RAB37: variants seen among roughly 807,000 people sequenced by gnomAD.
The protein encoded by RAB37 is RAB37, member RAS oncogene family, also known as ras-related protein Rab-37.
Under a neutral mutation model 33.1 loss-of-function variants are expected in RAB37, and 29 were observed. The observed-to-expected ratio is 0.88, with a 90% confidence interval of 0.65 to 1.20. The LOEUF is 1.20. Ranked by LOEUF, RAB37 falls within the 50% of genes most tolerant of loss-of-function variation. The pLI is 0.00. For synonymous variants in RAB37, 128 were observed against 119.5 expected (o/e 1.07, Z -0.47); for missense variants, 299 against 301.1 (o/e 0.99, Z 0.05).
Position 74,676,784 on chromosome 17 carries a change from G to T in RAB37, c.72+5126G>T, listed in dbSNP as rs1005914928. Among the ~76,000 whole-genome samples the T allele has an allele frequency of 6.6e-6, 1 of 152,166 alleles. No individual in the cohort carries two copies. Among genetic ancestry groups the T allele is most frequent in the Non-Finnish European group, 1.5e-5 (1 of 68,032 alleles). ...CTAAGAAAGATACGGGTAGCTGCAA[G>T]GGAGTGACCCAGGAAGAAAAGGTCA... On this transcript the variant is annotated intron_variant, in intron 1 of 7. Transcript: ENST00000340415. The surrounding 1 kb of genome is among the most constrained non-coding windows in gnomAD (Gnocchi z 4.1).
At position 74,710,894 on chromosome 17, in the gene RAB37, G is replaced by A. The variant is rs568931761; in HGVS notation, c.73-18362G>A. 4.0e-5 allele frequency among the ~76,000 whole-genome samples: 6 copies of A among 151,578 alleles called. No homozygotes were observed. The South Asian group carries it at 1.0e-3, about 26-fold the overall frequency. On this transcript the variant is annotated intron_variant, in intron 1 of 7. Coordinates refer to the RAB37 transcript ENST00000340415. ...AAAAAAAAACAAAAAATCTGTTCTT[G>A]CCAGGCACGGTGGCTCATGCTTTTA...
intron 1 of RAB37, among the ~76,000 whole-genome samples, chr17:74,721,514 C>A (rs2034240418): frequency 6.6e-6 from 1 of 150,700 alleles, no homozygotes; most frequent in Non-Finnish European, 1.5e-5. Context: ...CTGACTGTAA[C>A]CTCCACCTCC....
At chr17:74,703,251 CTAT>C (rs1383837276) in intron 1 of RAB37, 14 of 808,320 alleles carry the variant, frequency 1.7e-5, no homozygotes, top group Middle Eastern at 3.8e-4. Flanking sequence ...TGGACTGCTA[CTAT>C]GGGAAGGGGC....
Position 74,729,331 on chromosome 17 carries a change from G to C in RAB37, c.148G>C (p.Gly50Arg), listed in dbSNP as rs753157903. The change falls in exon 2 of 8, where the codon GGC becomes CGC. Residue 50 changes from glycine (G) to arginine (R), a missense_variant. Coordinates refer to the RAB37 transcript ENST00000340415. This position sits in a 1 kb window ranked among gnomAD's most constrained non-coding sequence, Gnocchi z 4.2. ...GTTCGATCAGGGCAAGTTCATCCCC[G>C]GCTCCTTCTCGGCCACTGTGGGCAT... The C allele has an allele frequency of 6.2e-7, 1 of 1,614,018 alleles. No homozygotes were observed. The highest frequency in any genetic ancestry group is 8.5e-7 in the Non-Finnish European group (1 of 1,179,980).
intron 1 of RAB37, among the ~76,000 whole-genome samples, chr17:74,693,929 A>C (rs997990108): frequency 6.2e-5 from 9 of 145,772 alleles, no homozygotes; most frequent in African/African-American, 2.3e-4. Context: ...ACTCTTTCTC[A>C]AAAAAAAAAA....
At chr17:74,706,222 A>G (rs1052676175) in intron 1 of RAB37, among the ~76,000 whole-genome samples, 1 of 151,906 alleles carries the variant, frequency 6.6e-6, no homozygotes, top group Non-Finnish European at 1.5e-5. Flanking sequence ...TATCCATGTA[A>G]CAAACCTGCA....
intron 1 of RAB37, among the ~76,000 whole-genome samples, chr17:74,689,686 A>G (rs1470299891): frequency 3.3e-5 from 5 of 152,154 alleles, no homozygotes; most frequent in African/African-American, 7.2e-5. Flanking sequence ...CCAATCTAAA[A>G]AATTTATTGG....
rs3178300 is a variant in RAB37 at position 74,746,981 on chromosome 17, C to T, written c.*1570C>T. ...CTTGGTCACATATCTCCCAAAGCTC[C>T]GATCCCTGCCATGGGAAGTGGACAG... On this transcript the variant is annotated 3_prime_UTR_variant, in exon 9 of 9. Transcript: ENST00000392613. This position sits in a 1 kb window ranked among gnomAD's most constrained non-coding sequence, Gnocchi z 5.2. 97,626 of 152,046 alleles carry T rather than the reference C, an allele frequency of 0.64. 31,678 individuals are homozygous for T. Among genetic ancestry groups the T allele is most frequent in the East Asian group, 0.87 (4,520 of 5,170 alleles). The allele number at this position is 152,046 out of a possible 1,614,324, so 9.4% of individuals were successfully genotyped here.
chr17:74,737,516 C>A, intron 1 of RAB37, 151 bp downstream of exon 1: 1 of 953,204 alleles, frequency 1.0e-6, no homozygotes, highest in Non-Finnish European at 1.5e-6. Flanking sequence ...TGGGGCCGTC[C>A]CAAGCTCTAG....
At chr17:74,683,156 A>G (rs763661390) in intron 1 of RAB37, among the ~76,000 whole-genome samples, 9 of 152,222 alleles carry the variant, frequency 5.9e-5, no homozygotes, top group Admixed American at 1.3e-4. Context: ...GTTATTAATG[A>G]CTGGACTTGG....
chr17:74,729,013 T>C lies in RAB37; in HGVS notation c.73-243T>C, dbSNP rs1157162356. On this transcript the variant is annotated intron_variant, in intron 1 of 7. Coordinates refer to the RAB37 transcript ENST00000340415. The surrounding 1 kb of genome is among the most constrained non-coding windows in gnomAD (Gnocchi z 4.2). ...GTGCTTCTGTGTGTATGTTTCTGTG[T>C]GTATGTGTGTTCTGTGTGTGCATAT... is the stretch of plus-strand genomic sequence containing the variant. Among the ~76,000 whole-genome samples, 2 of 152,012 alleles carry C rather than the reference T, an allele frequency of 1.3e-5. No individual in the cohort carries two copies.
intron 1 of RAB37, among the ~76,000 whole-genome samples, chr17:74,716,301 T>G (rs1176075013): frequency 2.0e-5 from 3 of 152,226 alleles, no homozygotes; most frequent in African/African-American, 7.2e-5. Context: ...TGTATGTGTG[T>G]GTGTGCATGT....
At chr17:74,702,740 G>A (rs1221102925) in intron 1 of RAB37, among the ~76,000 whole-genome samples, 1 of 152,194 alleles carries the variant, frequency 6.6e-6, no homozygotes, top group Non-Finnish European at 1.5e-5. Flanking sequence ...CCATGTCTGT[G>A]TCCCCAGAGC....
chr17:74,726,281 G>T lies in RAB37; in HGVS notation c.73-2975G>T, dbSNP rs181053456. ...ATGACCAATATGAGAGGATCATCCT[G>T]CCCCACCCCGAGCCAAGGTTCAGCT... On this transcript the variant is annotated intron_variant, in intron 1 of 7. Coordinates refer to the RAB37 transcript ENST00000340415. Among the ~76,000 whole-genome samples the T allele has an allele frequency of 7.3e-4, 109 of 149,910 alleles. 1 individual carries two copies. In the East Asian group the frequency reaches 0.021, roughly 29 times the overall value.
Position 74,743,168 on chromosome 17 carries a change from AC to A in RAB37, c.289del (p.His97MetfsTer41). On this transcript the variant is annotated frameshift_variant, in exon 4 of 9. Transcript: ENST00000392613. LOFTEE classifies it high-confidence loss of function. ...TAGQERFRSV[T>X]HAYYRDAQAL... ...TGGGCAGGAACGGTTCCGAAGCGTC[AC>A]CCATGCTTATTACAGAGATGCTCAG... 1 of 1,613,646 alleles carries A rather than the reference AC, an allele frequency of 6.2e-7. No homozygotes were observed. The highest frequency in any genetic ancestry group is 1.1e-5 in the South Asian group (1 of 91,054).
chr17:74,698,649 A>G (rs1567785726), intron 1 of RAB37: 4 of 1,459,014 alleles, frequency 2.7e-6, no homozygotes, highest in African/African-American at 1.4e-5. Context: ...TGGGTTTACA[A>G]TGAGTACACA....
At chr17:74,696,575 C>T (rs1303593917) in intron 1 of RAB37, among the ~76,000 whole-genome samples, 1 of 152,224 alleles carries the variant, frequency 6.6e-6, no homozygotes, top group Non-Finnish European at 1.5e-5. Flanking sequence ...TGTCTCTCTA[C>T]CTGATTCATC....
At chr17:74,695,144 G>A (rs1158604421) in intron 1 of RAB37, 2 of 1,614,078 alleles carry the variant, frequency 1.2e-6, no homozygotes, top group Admixed American at 3.3e-5. Flanking sequence ...CAGGGCCCCT[G>A]CCGGGGAGGT....
At chr17:74,692,327 C>T (rs2143507072) in intron 1 of RAB37, among the ~76,000 whole-genome samples, 1 of 152,298 alleles carries the variant, frequency 6.6e-6, no homozygotes, top group African/African-American at 2.4e-5. Flanking sequence ...AGATGACTAG[C>T]TCAAGAATAG....
Sources: gnomAD v4.1 joint callset for allele counts (sites outside exome capture counted in the v4.1 genomes callset) on GRCh38, gnomAD v4.1.1 for gene constraint, Gnocchi (gnomAD v3.1) non-coding constraint, MANE v1.5 for transcripts, NCBI Gene and HGNC (gene_info 2026-07-23, HGNC 2026-07-21) for gene names.